NRG3: variants seen among roughly 807,000 people sequenced by gnomAD.
The protein encoded by NRG3 is pro-neuregulin-3, membrane-bound isoform.
In NRG3, 31 loss-of-function variants were observed where a neutral mutation model predicts 66.9. The ratio of observed to expected loss-of-function variants is 0.46; its 90% CI spans 0.35 to 0.63. The LOEUF is 0.63. NRG3 is among the 20% of genes least tolerant of loss of function. The pLI is 0.00. For synonymous variants in NRG3, 393 were observed against 359.4 expected, an observed-to-expected ratio of 1.09 and a Z score of -1.06; for missense variants, 910 against 878.9, an observed-to-expected ratio of 1.04 and a Z score of -0.45.
At chr10:82,309,583 C>A (rs2080920614) in intron 1 of NRG3, among the ~76,000 whole-genome samples, 2 of 152,064 alleles carry the variant, frequency 1.3e-5, no homozygotes, top group Admixed American at 1.3e-4. Flanking sequence ...CTTTCTCTAT[C>A]CAAGCTGCCT....
At chr10:82,426,638 T>A (rs182739429) in intron 2 of NRG3, among the ~76,000 whole-genome samples, 2 of 131,656 alleles carry the variant, frequency 1.5e-5, no homozygotes, top group African/African-American at 6.2e-5. Flanking sequence ...ATTATTATTA[T>A]TATTATTATT....
chr10:81,998,468 G>A (rs2061030924), intron 1 of NRG3, among the ~76,000 whole-genome samples: 1 of 152,154 alleles, frequency 6.6e-6, no homozygotes, highest in Admixed American at 6.5e-5. Context: ...ACACTGCTGT[G>A]TAGTGTGGAC....
intron 2 of NRG3, among the ~76,000 whole-genome samples, chr10:82,727,831 C>A (rs535559786): frequency 1.3e-5 from 2 of 152,274 alleles, no homozygotes; most frequent in East Asian, 3.9e-4. Context: ...GGGAGGGATG[C>A]TGTACTCTGC....
At chr10:82,080,441 T>G (rs1409867146) in intron 1 of NRG3, among the ~76,000 whole-genome samples, 1 of 152,184 alleles carries the variant, frequency 6.6e-6, no homozygotes, top group Non-Finnish European at 1.5e-5. Context: ...ACCCCATATA[T>G]GACCCCAGCA....
In NRG3 at chr10:82,481,101, T is replaced by C. The variant is rs183403406; in HGVS notation, c.953+122233T>C. Among the ~76,000 whole-genome samples the C allele has an allele frequency of 7.9e-4, 120 of 152,336 alleles. 1 individual carries two copies. Among genetic ancestry groups the C allele is most frequent in the Non-Finnish European group, 2.2e-4 (15 of 68,022 alleles). Reference sequence around the variant, plus strand: ...CAAGGAGCTTGCTGTCATTCCCAGCTACCATCTCATGCCTTCCATTTCTTG... The same window carrying C: ...CAAGGAGCTTGCTGTCATTCCCAGCCACCATCTCATGCCTTCCATTTCTTG... On this transcript the variant is annotated intron_variant, in intron 2 of 8. Transcript: ENST00000372141.
chr10:82,502,416 A>G (rs1019359506), intron 2 of NRG3, among the ~76,000 whole-genome samples: 1 of 152,194 alleles, frequency 6.6e-6, no homozygotes, highest in Non-Finnish European at 1.5e-5. Flanking sequence ...ATACATTGTA[A>G]AAGGCTTTAT....
At chr10:82,620,755 G>T (rs903252982) in intron 2 of NRG3, among the ~76,000 whole-genome samples, 10 of 152,056 alleles carry the variant, frequency 6.6e-5, no homozygotes, top group African/African-American at 2.4e-4. Context: ...TGATGGTGGG[G>T]TTTCACCAGG....
chr10:82,607,912 T>C (rs2048066971), intron 2 of NRG3, among the ~76,000 whole-genome samples: 1 of 152,180 alleles, frequency 6.6e-6, no homozygotes, highest in Non-Finnish European at 1.5e-5. Flanking sequence ...TGTTCATTCA[T>C]TTCACTTTTC....
chr10:81,942,450 A>G (rs1047139959), intron 1 of NRG3, among the ~76,000 whole-genome samples: 1 of 151,854 alleles, frequency 6.6e-6, no homozygotes, highest in Admixed American at 6.6e-5. Context: ...AAAATAATAC[A>G]CCCCCTCTAT....
chr10:82,084,502 A>AC lies in NRG3; in HGVS notation c.823+208339_823+208340insC, dbSNP rs11458166. On this transcript the variant is annotated intron_variant, in intron 1 of 8. Coordinates refer to ENST00000372141, the MANE Select transcript of NRG3 (RefSeq NM_001010848.4). ...TCTCCAAATTTGGGACATATATGAG[A>AC]TTTTTTTTTTTTTTTGCCATCATAG... Among the ~76,000 whole-genome samples the AC allele has an allele frequency of 2.3e-4, 34 of 145,390 alleles. 1 individual carries two copies. The highest frequency in any genetic ancestry group is 3.8e-4 in the African/African-American group (15 of 39,530).
Position 82,230,055 on chromosome 10 carries a change from G to A in NRG3, c.824-128684G>A, listed in dbSNP as rs558272030. ...AGTGGTGTGCCTGAAAAGGAGAAAC[G>A]AATATATGGAGAAAAAAAATGTTTA... On this transcript the variant is annotated intron_variant, in intron 1 of 8. Transcript: ENST00000372141. The A allele has an allele frequency of 5.3e-5, 8 of 152,138 alleles. No homozygotes were observed. The East Asian group carries it at 5.8e-4, about 11-fold the overall frequency. 9.4% of individuals were successfully genotyped at this position (152,138 alleles called of 1,614,324 possible). A position where few individuals can be genotyped will look rare whatever the true frequency, so the allele number is the denominator to read the frequency against.
rs557470911 is a variant in NRG3 at position 82,724,825 on chromosome 10, G to A, written c.954-13752G>A. Among the ~76,000 whole-genome samples the A allele has an allele frequency of 4.6e-5, 7 of 152,224 alleles. No individual in the cohort carries two copies. In the South Asian group the frequency reaches 1.5e-3, roughly 32 times the overall value. ...ATGAGCTCTGTCTCTCCTTTATAATGTCAATCATAAGGATGCCTTTTAAAT... is the reference window on the plus strand; with the variant it reads ...ATGAGCTCTGTCTCTCCTTTATAATATCAATCATAAGGATGCCTTTTAAAT... On this transcript the variant is annotated intron_variant, in intron 2 of 8. Coordinates refer to ENST00000372141, the MANE Select transcript of NRG3 (RefSeq NM_001010848.4).
chr10:82,481,467 A>G (rs766364133), intron 2 of NRG3, among the ~76,000 whole-genome samples: 2 of 152,206 alleles, frequency 1.3e-5, no homozygotes, highest in Non-Finnish European at 2.9e-5. Context: ...TGTGACTCCC[A>G]TATTAACATG....
intron 2 of NRG3, among the ~76,000 whole-genome samples, chr10:82,405,024 G>A (rs570779810): frequency 2.0e-5 from 3 of 152,136 alleles, no homozygotes; most frequent in Admixed American, 6.6e-5. Context: ...AGAGTGGTGA[G>A]AGAATGATCC....
chr10:82,224,707 T>A (rs537693133), intron 1 of NRG3, among the ~76,000 whole-genome samples: 1 of 152,276 alleles, frequency 6.6e-6, no homozygotes, highest in Non-Finnish European at 1.5e-5. Flanking sequence ...AATTACTAAC[T>A]TAACAGAACA....
intron 1 of NRG3, among the ~76,000 whole-genome samples, chr10:82,140,236 T>G (rs1393430867): frequency 6.6e-6 from 1 of 152,138 alleles, no homozygotes; most frequent in Non-Finnish European, 1.5e-5. Flanking sequence ...TTTACGGATT[T>G]CCCTCTTGTG....
At chr10:82,141,707 T>C (rs1230714677) in intron 1 of NRG3, among the ~76,000 whole-genome samples, 1 of 152,186 alleles carries the variant, frequency 6.6e-6, no homozygotes, top group African/African-American at 2.4e-5. Flanking sequence ...CATAAAATGC[T>C]GAATCTTTCT....
Position 82,517,671 on chromosome 10 carries a change from A to ATG in NRG3, c.953+158827_953+158828dup, listed in dbSNP as rs140575448. ...TGTGTGTGTGTGTGTGTGTGTGTGC[A>ATG]TGTGTGTGTGTGTGTGTGTGTGTGT... is the stretch of plus-strand genomic sequence containing the variant. On this transcript the variant is annotated intron_variant, in intron 2 of 8. Coordinates refer to ENST00000372141, the MANE Select transcript of NRG3 (RefSeq NM_001010848.4). Among the ~76,000 whole-genome samples, 904 of 133,024 alleles carry ATG rather than the reference A, an allele frequency of 6.8e-3. 2 individuals are homozygous for ATG. The highest frequency in any genetic ancestry group is 0.015 in the South Asian group (54 of 3,512). The allele number at this position is 133,024 out of a possible 152,430, so 87.3% of individuals were successfully genotyped here. A position where few individuals can be genotyped will look rare whatever the true frequency, so the allele number is the denominator to read the frequency against.
At chr10:82,152,862 T>A (rs1376836605) in intron 1 of NRG3, among the ~76,000 whole-genome samples, 1 of 151,564 alleles carries the variant, frequency 6.6e-6, no homozygotes, top group Admixed American at 6.6e-5. Context: ...TTCTTTTCTT[T>A]CTTTTTCTTT....
Sources: allele counts gnomAD v4.1 joint callset (sites outside exome capture counted in the v4.1 genomes callset), GRCh38; gene constraint gnomAD v4.1.1; transcripts MANE v1.5; gene names NCBI Gene and HGNC (gene_info 2026-07-23, HGNC 2026-07-21).